Variants in CEP170B observed in about 807,000 individuals in gnomAD.
CEP170B encodes the protein centrosomal protein 170B.
A neutral mutation model predicts 120.6 loss-of-function variants in CEP170B; 55 were observed. The ratio of observed to expected loss-of-function variants is 0.46; its 90% CI spans 0.37 to 0.57. CEP170B has a LOEUF of 0.57. CEP170B is among the 20% of genes least tolerant of loss of function. The pLI is 0.00. For missense variants in CEP170B, 2,212 were observed against 2,253.3 expected, an observed-to-expected ratio of 0.98 and a Z score of 0.37; for synonymous variants, 1,033 against 954.5, an observed-to-expected ratio of 1.08 and a Z score of -1.52.
rs927106008 is a variant in CEP170B, at chr14:104,867,816, C to T, written c.-27-608C>T. On this transcript the variant is annotated intron_variant, in intron 1 of 18. Transcript: ENST00000414716. This position sits in a 1 kb window ranked among gnomAD's most constrained non-coding sequence, Gnocchi z 5.4. ...GCCTGATGCTGTCCTTGCACCATGC[C>T]CACCAAAGGACATTTGGCCTCCTCT... 1.3e-5 allele frequency among the ~76,000 whole-genome samples: 2 copies of T among 152,042 alleles called. No homozygotes were observed. Among genetic ancestry groups the T allele is most frequent in the African/African-American group, 4.8e-5 (2 of 41,374 alleles).
At position 104,893,557 on chromosome 14, in the gene CEP170B, T is replaced by C. The variant is rs1437001819; in HGVS notation, c.4073T>C (p.Phe1358Ser). The change falls in exon 15 of 19, where the codon TTC becomes TCC. Residue 1358 changes from phenylalanine (F) to serine (S), a missense_variant. Physicochemically the swap from Phe to Ser is radical, Grantham distance 155. This residue lies in a region of CEP170B where 2,166 missense variants were observed against 2,166.7 expected (regional missense o/e 1.00). Transcript: ENST00000414716. The part of the protein sequence containing the change: ...VQRIPEASLN[F>S]QKVPPGSLNS... ...CGCATCCCCGAGGCCAGCCTCAACT[T>C]CCAGAAGGTGCCGCCCGGCTCGCTG... The C allele has an allele frequency of 6.2e-7, 1 of 1,606,228 alleles. No individual in the cohort carries two copies. The highest frequency in any genetic ancestry group is 2.2e-5 in the East Asian group (1 of 44,650).
At chr14:104,872,530 G>T (rs903181377) in intron 2 of CEP170B, among the ~76,000 whole-genome samples, 4 of 151,940 alleles carry the variant, frequency 2.6e-5, no homozygotes, top group Admixed American at 1.3e-4. Context: ...GCATACATGT[G>T]CATGTCTGTA....
chr14:104,881,159 G>T (rs1896135333), intron 6 of CEP170B, among the ~76,000 whole-genome samples: 3 of 152,164 alleles, frequency 2.0e-5, no homozygotes, highest in African/African-American at 4.8e-5. Context: ...TGCGCCTTTG[G>T]CAGTCAGTGC....
At chr14:104,871,030 T>C (rs1360323840) in intron 2 of CEP170B, among the ~76,000 whole-genome samples, 2 of 151,458 alleles carry the variant, frequency 1.3e-5, no homozygotes, top group Non-Finnish European at 2.9e-5. Context: ...TCCAGCCCCT[T>C]GGCCCCTCTG....
intron 10 of CEP170B, 31 bp from the exon 11 acceptor site, chr14:104,886,009 T>G: frequency 6.6e-7 from 1 of 1,505,272 alleles, no homozygotes; most frequent in Non-Finnish European, 8.9e-7. Flanking sequence ...TGGGCTTGCG[T>G]GTGGAAACAC....
intron 2 of CEP170B, among the ~76,000 whole-genome samples, chr14:104,872,228 GC>G (rs1295303229): frequency 7.0e-6 from 1 of 142,374 alleles, no homozygotes; most frequent in Non-Finnish European, 1.5e-5. Context: ...CCATGGGTGT[GC>G]CGTGCGTGTG....
In CEP170B at chr14:104,877,869, A is replaced by G. The variant is rs768443212; in HGVS notation, c.196-16A>G. 1.6e-5 allele frequency: 3 copies of G among 184,658 alleles called. No homozygotes were observed. The highest frequency in any genetic ancestry group is 1.0e-3 in the Middle Eastern group (1 of 976). The allele number at this position is 184,658 out of a possible 1,614,324, so 11.4% of individuals were successfully genotyped here. ...GCGCAGCTCCCCCCCCCCCCCCGCC[A>G]CCTGTTTTCCTGCAGACGTTTGTGA... is the stretch of plus-strand genomic sequence containing the variant. On this transcript the variant is annotated splice_polypyrimidine_tract_variant and intron_variant, in intron 3 of 18. Transcript: ENST00000414716.
intron 1 of CEP170B, among the ~76,000 whole-genome samples, chr14:104,866,941 A>C (rs534388952): frequency 6.6e-6 from 1 of 151,872 alleles, no homozygotes; most frequent in African/African-American, 2.4e-5. Context: ...TATTGTCCTC[A>C]CTTCTTGACT....
rs578132117 is a variant in CEP170B at position 104,868,209 on chromosome 14, G to A, written c.-27-215G>A. Among the ~76,000 whole-genome samples the A allele has an allele frequency of 1.1e-4, 16 of 152,276 alleles. No individual in the cohort carries two copies. Among genetic ancestry groups the A allele is most frequent in the South Asian group, 2.1e-4 (1 of 4,826 alleles). The stretch of plus-strand genomic sequence containing the variant: ...CAGGCAGCCTTTGCCAGGGATGGAC[G>A]TGATGGGAAAGGCCGGTCACGAGGG... On this transcript the variant is annotated intron_variant, in intron 1 of 18. Coordinates refer to ENST00000414716, the MANE Select transcript of CEP170B (RefSeq NM_001112726.3). The surrounding 1 kb of genome is among the most constrained non-coding windows in gnomAD (Gnocchi z 5.9).
At position 104,865,375 on chromosome 14, in the gene CEP170B, C is replaced by G. The variant is rs1012941554; in HGVS notation, c.-166C>G. ...CGCCGGGCATGTCCTAGGCGGCGGCCCCGCCCAGCGCTCGGCCGGGCGGGC... is the reference window on the plus strand; with the variant it reads ...CGCCGGGCATGTCCTAGGCGGCGGCGCCGCCCAGCGCTCGGCCGGGCGGGC... On this transcript the variant is annotated 5_prime_UTR_variant, in exon 1 of 19. Coordinates refer to ENST00000414716, the MANE Select transcript of CEP170B (RefSeq NM_001112726.3). The surrounding 1 kb of genome is among the most constrained non-coding windows in gnomAD (Gnocchi z 6.7). 1.4e-5 allele frequency: 2 copies of G among 146,600 alleles called. No homozygotes were observed. The highest frequency in any genetic ancestry group is 3.0e-5 in the Non-Finnish European group (2 of 66,064). 9.1% of individuals were successfully genotyped at this position (146,600 alleles called of 1,614,324 possible). A position where few individuals can be genotyped will look rare whatever the true frequency, so the allele number is the denominator to read the frequency against.
At chr14:104,885,651 C>T in intron 10 of CEP170B, 109 bp downstream of exon 10, 2 of 1,391,882 alleles carry the variant, frequency 1.4e-6, no homozygotes, top group Non-Finnish European at 1.9e-6. Flanking sequence ...GGACTTTCCT[C>T]TGAGGGACAC....
rs201173987 is a variant in CEP170B, at chr14:104,886,635, T to C, written c.2396T>C (p.Ile799Thr). 2.9e-5 allele frequency: 44 copies of C among 1,524,496 alleles called. No individual in the cohort carries two copies. The highest frequency in any genetic ancestry group is 1.2e-4 in the South Asian group (9 of 75,868). The allele number at this position is 1,524,496 out of a possible 1,614,324, so 94.4% of individuals were successfully genotyped here. A position where few individuals can be genotyped will look rare whatever the true frequency, so the allele number is the denominator to read the frequency against. ...GAGCCAACTCCCGCCTCTTTCTTCATTGGGGACCAGAATGGGGACGCTGTG... is the reference window on the plus strand; with the variant it reads ...GAGCCAACTCCCGCCTCTTTCTTCACTGGGGACCAGAATGGGGACGCTGTG... The part of the protein sequence containing the change: ...PGEPTPASFF[I>T]GDQNGDAVLS... The change falls in exon 12 of 19, where the codon ATT becomes ACT. Residue 799 changes from isoleucine (I) to threonine (T), a missense_variant. Physicochemically the swap from Ile to Thr is moderately conservative, Grantham distance 89. Around this residue, in one of 2 missense-constraint regions of CEP170B, gnomAD observed 2,166 missense variants for 2,166.7 expected, o/e 1.00. Coordinates refer to ENST00000414716, the MANE Select transcript of CEP170B (RefSeq NM_001112726.3).
At position 104,876,250 on chromosome 14, in the gene CEP170B, C is replaced by T. The variant is rs1002434687; in HGVS notation, c.106-6C>T. On this transcript the variant is annotated splice_polypyrimidine_tract_variant and splice_region_variant and intron_variant, in intron 2 of 18. Coordinates refer to ENST00000414716, the MANE Select transcript of CEP170B (RefSeq NM_001112726.3). ...GCACCTGAGGGCTGGCTGTGTGTCT[C>T]TCCAGTCCCGCAGCGTGGACAAGCA... is the stretch of plus-strand genomic sequence containing the variant. The T allele has an allele frequency of 2.6e-6, 4 of 1,550,478 alleles. No homozygotes were observed. The highest frequency in any genetic ancestry group is 2.4e-5 in the South Asian group (2 of 84,050).
At chr14:104,892,824 C>T (rs929216073) in intron 13 of CEP170B, among the ~76,000 whole-genome samples, 152 bp from the exon 14 acceptor site, 3 of 152,230 alleles carry the variant, frequency 2.0e-5, no homozygotes, top group African/African-American at 4.8e-5. Flanking sequence ...GTGGCTAGGC[C>T]GGTGTTTGGG....
intron 2 of CEP170B, among the ~76,000 whole-genome samples, chr14:104,875,921 A>G (rs1442108883): frequency 2.0e-5 from 3 of 152,258 alleles, no homozygotes; most frequent in East Asian, 1.9e-4. Flanking sequence ...AAGCCCCCTC[A>G]CCGCCAGCCT....
chr14:104,880,492 G>C (rs1896089566), intron 6 of CEP170B, 67 bp downstream of exon 6: 2 of 1,573,764 alleles, frequency 1.3e-6, no homozygotes, highest in Non-Finnish European at 1.7e-6. Flanking sequence ...CCCCGCACCT[G>C]CCTCTCTGCA....
At chr14:104,889,585 C>T (rs1206037702) in intron 12 of CEP170B, 35 bp from the exon 13 acceptor site, 1 of 1,606,812 alleles carries the variant, frequency 6.2e-7, no homozygotes, top group East Asian at 2.2e-5. Flanking sequence ...CCCGCCACGG[C>T]TCCCCCAAAC....
chr14:104,893,443 G>A (rs1424768788), intron 14 of CEP170B, 80 bp from the exon 15 acceptor site: 9 of 1,500,534 alleles, frequency 6.0e-6, no homozygotes, highest in South Asian at 2.5e-5. Context: ...TCCACCTGCC[G>A]GGCCGGAGCA....
At chr14:104,892,914 TCTGGCCCCTGCTGC>T in intron 13 of CEP170B, 48 bp from the exon 14 acceptor site, 1 of 1,529,180 alleles carries the variant, frequency 6.5e-7, no homozygotes, top group South Asian at 1.2e-5. Flanking sequence ...TTGAGGCCTG[TCTGGCCCCTGCTGC>T]CCCGACTTCC....
Sources: gnomAD v4.1 joint callset for allele counts (sites outside exome capture counted in the v4.1 genomes callset) on GRCh38, gnomAD v4.1.1 for gene constraint, gnomAD v4.1.1 regional missense constraint, Gnocchi (gnomAD v3.1) non-coding constraint, MANE v1.5 for transcripts, NCBI Gene and HGNC (gene_info 2026-07-23, HGNC 2026-07-21) for gene names.